The following SLC7A1 variants were observed in gnomAD, a reference collection of about 807,000 sequenced individuals.
SLC7A1 encodes the protein high affinity cationic amino acid transporter 1.
Under a neutral mutation model 53.9 loss-of-function variants are expected in SLC7A1, and 10 were observed. The observed-to-expected ratio is 0.19, with a 90% CI of 0.11 to 0.31. The LOEUF is 0.31. Ranked by LOEUF, SLC7A1 falls within the 10% of genes least tolerant of loss-of-function variation. The pLI, the probability that SLC7A1 is intolerant of heterozygous loss-of-function variation, is 1.00. For missense variants in SLC7A1, 525 were observed against 827.2 expected, an observed-to-expected ratio of 0.63 and a Z score of 4.48; for synonymous variants, 342 against 338.7, an observed-to-expected ratio of 1.01 and a Z score of -0.11.
intron 1 of SLC7A1, among the ~76,000 whole-genome samples, chr13:29,555,024 T>C (rs1358159356): frequency 1.3e-5 from 2 of 152,160 alleles, no homozygotes; most frequent in Non-Finnish European, 2.9e-5. Flanking sequence ...ATAGCCACCA[T>C]GACAACTGAC....
At chr13:29,547,748 C>T (rs750311173) in intron 2 of SLC7A1, among the ~76,000 whole-genome samples, 31 of 152,216 alleles carry the variant, frequency 2.0e-4, no homozygotes, top group Non-Finnish European at 4.6e-4. Context: ...AAGCCCACCT[C>T]GAGTCTGTCT....
chr13:29,592,596 AG>A, intron 1 of SLC7A1, among the ~76,000 whole-genome samples: 1 of 152,318 alleles, frequency 6.6e-6, no homozygotes, highest in Non-Finnish European at 1.5e-5. Context: ...ACTGAACCAC[AG>A]GGGTGGTTAT....
At chr13:29,526,510 T>C (rs1344690118) in intron 5 of SLC7A1, among the ~76,000 whole-genome samples, 2 of 151,944 alleles carry the variant, frequency 1.3e-5, no homozygotes, top group South Asian at 4.2e-4. Flanking sequence ...TTTTTAAAAA[T>C]TAAAAAATAA....
intron 1 of SLC7A1, among the ~76,000 whole-genome samples, chr13:29,593,473 A>G (rs1872189273): frequency 1.3e-5 from 2 of 152,212 alleles, no homozygotes; most frequent in Admixed American, 6.5e-5. Context: ...GTTAGAGGGA[A>G]ACAATATTTT....
In SLC7A1 at chr13:29,512,458, C is replaced by G. The variant is rs1883422204; in HGVS notation, c.*2022G>C. ...CGGAAATCTCAGCCAGAAAGAAAAACTAGAGAAAAGAAAAAAAAGAAAAAA... is the reference window on the plus strand; with the variant it reads ...CGGAAATCTCAGCCAGAAAGAAAAAGTAGAGAAAAGAAAAAAAAGAAAAAA... On this transcript the variant is annotated 3_prime_UTR_variant, in exon 13 of 13. Transcript: ENST00000380752. 6.6e-6 allele frequency: 1 copy of G among 152,030 alleles called. No individual in the cohort carries two copies. Among genetic ancestry groups the G allele is most frequent in the Non-Finnish European group, 1.5e-5 (1 of 67,994 alleles). 9.4% of individuals were successfully genotyped at this position (152,030 alleles called of 1,614,324 possible). A position where few individuals can be genotyped will look rare whatever the true frequency, so the allele number is the denominator to read the frequency against.
rs764295603 is a variant in SLC7A1, at chr13:29,523,257, G to A, written c.1049+9C>T. The A allele has an allele frequency of 6.2e-7, 1 of 1,610,078 alleles. No homozygotes were observed. Among genetic ancestry groups the A allele is most frequent in the Non-Finnish European group, 8.5e-7 (1 of 1,177,990 alleles). ...CCCTAGGAGCAGCCACCACAGAAAG[G>A]CCTCTCACCTGGCGGAAAGAGCGCA... On this transcript the variant is annotated intron_variant, in intron 7 of 12. Transcript: ENST00000380752.
chr13:29,549,887 G>C (rs915826317), intron 2 of SLC7A1, among the ~76,000 whole-genome samples: 1 of 152,070 alleles, frequency 6.6e-6, no homozygotes, highest in Non-Finnish European at 1.5e-5. Flanking sequence ...GGCTGGTCTT[G>C]AACGACCCCA....
rs1883426749 is a variant in SLC7A1 at position 29,512,636 on chromosome 13, A to G, written c.*1844T>C. On this transcript the variant is annotated 3_prime_UTR_variant, in exon 13 of 13. Coordinates refer to ENST00000380752, the MANE Select transcript of SLC7A1 (RefSeq NM_003045.5). ...CAAAACCCCAACAAAATAAGTTAGT[A>G]TTTATCAAAATATGTTACAACACCA... 1.3e-5 allele frequency: 2 copies of G among 152,230 alleles called. No individual in the cohort carries two copies. Among genetic ancestry groups the G allele is most frequent in the Non-Finnish European group, 2.9e-5 (2 of 68,050 alleles). The allele number at this position is 152,230 out of a possible 1,614,324, so 9.4% of individuals were successfully genotyped here. A position where few individuals can be genotyped will look rare whatever the true frequency, so the allele number is the denominator to read the frequency against.
intron 2 of SLC7A1, among the ~76,000 whole-genome samples, chr13:29,551,816 C>T (rs189007398): frequency 4.7e-4 from 71 of 152,282 alleles, no homozygotes; most frequent in Middle Eastern, 3.4e-3. Context: ...GCAGAATGTC[C>T]TCCCACTTCC....
chr13:29,553,125 T>C (rs1870278925), intron 2 of SLC7A1, among the ~76,000 whole-genome samples: 1 of 152,096 alleles, frequency 6.6e-6, no homozygotes, highest in African/African-American at 2.4e-5. Flanking sequence ...TTACAGCACC[T>C]AAACCAAGAA....
intron 2 of SLC7A1, among the ~76,000 whole-genome samples, chr13:29,544,926 C>A (rs1030940492): frequency 6.6e-6 from 1 of 151,790 alleles, no homozygotes; most frequent in Non-Finnish European, 1.5e-5. Context: ...GATGCTCCCC[C>A]AGGGCAAGGG....
At position 29,567,824 on chromosome 13, in the gene SLC7A1, G is replaced by T. The variant is rs1187583907; in HGVS notation, c.-114-13964C>A. Among the ~76,000 whole-genome samples the T allele has an allele frequency of 2.0e-5, 3 of 151,334 alleles. No individual in the cohort carries two copies. In the East Asian group the frequency reaches 5.8e-4, roughly 29 times the overall value. On this transcript the variant is annotated intron_variant, in intron 1 of 12. Coordinates refer to ENST00000380752, the MANE Select transcript of SLC7A1 (RefSeq NM_003045.5). Reference sequence around the variant, plus strand: ...ACCAAAGGGAATTAAGCAAGCTCTTGCAAGTCTTGGCCTCTTTTTTTTTTG... The same window carrying T: ...ACCAAAGGGAATTAAGCAAGCTCTTTCAAGTCTTGGCCTCTTTTTTTTTTG...
intron 1 of SLC7A1, among the ~76,000 whole-genome samples, chr13:29,555,133 C>T (rs1469779802): frequency 2.0e-5 from 3 of 151,200 alleles, no homozygotes; most frequent in East Asian, 3.9e-4. Context: ...CCGAGGCGGG[C>T]GGATCACGAG....
chr13:29,549,398 G>A (rs552374715), intron 2 of SLC7A1, among the ~76,000 whole-genome samples: 2 of 152,204 alleles, frequency 1.3e-5, no homozygotes, highest in African/African-American at 4.8e-5. Context: ...AGCACACCAC[G>A]TGGTCCATAT....
intron 2 of SLC7A1, among the ~76,000 whole-genome samples, chr13:29,550,713 C>A (rs1870140016): frequency 6.6e-6 from 1 of 152,256 alleles, no homozygotes. Context: ...AAGCCCAGGC[C>A]AGCATCCAGA....
At chr13:29,530,917 T>C (rs1419366791) in intron 4 of SLC7A1, among the ~76,000 whole-genome samples, 1 of 152,118 alleles carries the variant, frequency 6.6e-6, no homozygotes, top group Non-Finnish European at 1.5e-5. Context: ...AGGTTGTGGG[T>C]GCTTCCCAGG....
At chr13:29,527,489 T>C (rs951750428) in intron 5 of SLC7A1, among the ~76,000 whole-genome samples, 3 of 152,382 alleles carry the variant, frequency 2.0e-5, no homozygotes, top group Admixed American at 1.3e-4. Flanking sequence ...TCTCTTTCTA[T>C]GTAATCAATA....
chr13:29,522,480 G>T (rs761321477), intron 7 of SLC7A1, 24 bp from the exon 8 acceptor site: 9 of 1,613,714 alleles, frequency 5.6e-6, no homozygotes, highest in Non-Finnish European at 7.6e-6. Flanking sequence ...GGCAAACCGC[G>T]TGAGTGAACC....
intron 8 of SLC7A1, among the ~76,000 whole-genome samples, chr13:29,521,034 C>G (rs1291161977): frequency 6.6e-6 from 1 of 152,168 alleles, no homozygotes; most frequent in African/African-American, 2.4e-5. Context: ...AAATTAAGGC[C>G]AGTCTTTAAT....
Sources: allele counts gnomAD v4.1 joint callset (sites outside exome capture counted in the v4.1 genomes callset), GRCh38; gene constraint gnomAD v4.1.1; transcripts MANE v1.5; gene names NCBI Gene and HGNC (gene_info 2026-07-23, HGNC 2026-07-21).